Variants in ARPP19 observed in about 807,000 individuals in gnomAD.
The protein encoded by ARPP19 is cAMP-regulated phosphoprotein 19.
Under a neutral mutation model 12.0 loss-of-function variants are expected in ARPP19, and 8 were observed. The ratio of observed to expected loss-of-function variants is 0.67; its 90% CI spans 0.39 to 1.21. ARPP19 has a LOEUF of 1.21. Ranked by LOEUF, ARPP19 falls within the 50% of genes most tolerant of loss-of-function variation. The pLI, the probability that ARPP19 is intolerant of heterozygous loss-of-function variation, is 0.01. For missense variants in ARPP19, 102 were observed against 136.3 expected (o/e 0.75, Z 1.25); for synonymous variants, 47 against 50.4 (o/e 0.93, Z 0.29).
intron 1 of ARPP19, chr15:52,568,593 AAGTGACTG>A: frequency 2.3e-6 from 1 of 442,326 alleles, no homozygotes; most frequent in Non-Finnish European, 3.9e-6. Flanking sequence ...GCGTAAATAT[AAGTGACTG>A]AGGAACACCG....
Position 52,568,920 on chromosome 15 carries a change from G to A in ARPP19, c.-28C>T. 6.7e-7 allele frequency: 1 copy of A among 1,486,618 alleles called. No individual in the cohort carries two copies. The highest frequency in any genetic ancestry group is 1.2e-5 in the South Asian group (1 of 85,134). 92.1% of individuals were successfully genotyped at this position (1,486,618 alleles called of 1,614,324 possible). On this transcript the variant is annotated 5_prime_UTR_variant, in exon 1 of 3. Transcript: ENST00000249822. The stretch of plus-strand genomic sequence containing the variant: ...TGCTCCCTCTGCAGACGAGACGCCG[G>A]GAAAAGATGCAATTAGCGGGTGGCC...
At chr15:52,566,997 A>G (rs2078089285) in intron 1 of ARPP19, among the ~76,000 whole-genome samples, 1 of 152,198 alleles carries the variant, frequency 6.6e-6, no homozygotes, top group South Asian at 2.1e-4. Context: ...CTTTGGCTTT[A>G]AGTGGAAGGT....
At chr15:52,557,361 G>A (rs932140088) in intron 1 of ARPP19, 139 bp from the exon 2 acceptor site, 36 of 683,824 alleles carry the variant, frequency 5.3e-5, no homozygotes, top group Non-Finnish European at 7.9e-5. Flanking sequence ...AAACCCAGAA[G>A]CCTTTAAAAC....
At chr15:52,561,598 C>T (rs2078032886) in intron 1 of ARPP19, among the ~76,000 whole-genome samples, 1 of 151,376 alleles carries the variant, frequency 6.6e-6, no homozygotes, top group Non-Finnish European at 1.5e-5. Flanking sequence ...TCAAGGGGAA[C>T]CAATTAAATA....
intron 1 of ARPP19, among the ~76,000 whole-genome samples, chr15:52,561,918 T>C (rs2078036384): frequency 6.7e-6 from 1 of 149,136 alleles, no homozygotes; most frequent in Non-Finnish European, 1.5e-5. Context: ...AAAACAGAGC[T>C]AGTGCAGTGC....
intron 1 of ARPP19, among the ~76,000 whole-genome samples, chr15:52,565,904 G>A (rs2078076850): frequency 6.6e-6 from 1 of 152,116 alleles, no homozygotes; most frequent in African/African-American, 2.4e-5. Context: ...GCCCAGGCTA[G>A]AGTGCAGTGG....
At chr15:52,564,243 C>T in intron 1 of ARPP19, 1 of 1,533,732 alleles carries the variant, frequency 6.5e-7, no homozygotes, top group Non-Finnish European at 8.7e-7. Flanking sequence ...ATGTTGTGTT[C>T]ACTCTGAATA....
chr15:52,560,942 G>T (rs144036808), intron 1 of ARPP19, among the ~76,000 whole-genome samples: 1 of 152,312 alleles, frequency 6.6e-6, no homozygotes, highest in East Asian at 1.9e-4. Flanking sequence ...TCCTTGCAGG[G>T]TCAAAGGCTT....
At chr15:52,568,576 G>C (rs144988556) in intron 1 of ARPP19, 1 of 422,370 alleles carries the variant, frequency 2.4e-6, no homozygotes. Context: ...CTGCGTCCTG[G>C]GCTCTCGCGT....
Position 52,564,931 on chromosome 15 carries a change from C to T in ARPP19, c.45+3917G>A, listed in dbSNP as rs530579627. Reference sequence around the variant, plus strand: ...AAAGTTCTGAGGAAAATCCATTCAACCATTTTGTAAATAATGTCAAGCACA... The same window carrying T: ...AAAGTTCTGAGGAAAATCCATTCAATCATTTTGTAAATAATGTCAAGCACA... On this transcript the variant is annotated intron_variant, in intron 1 of 2. Transcript: ENST00000249822. Among the ~76,000 whole-genome samples, 165 of 152,142 alleles carry T rather than the reference C, an allele frequency of 1.1e-3. No homozygotes were observed. The Middle Eastern group carries it at 0.02, about 19-fold the overall frequency.
At chr15:52,564,269 G>T (rs1227900857) in intron 1 of ARPP19, 4 of 1,524,136 alleles carry the variant, frequency 2.6e-6, no homozygotes, top group Middle Eastern at 1.7e-4. Flanking sequence ...AGAAAACATG[G>T]ATGAGGCGGT....
In ARPP19 at chr15:52,549,804, G is replaced by T. The variant is rs954763482; in HGVS notation, c.*2130C>A. The T allele has an allele frequency of 6.6e-6, 1 of 152,214 alleles. No individual in the cohort carries two copies. Among genetic ancestry groups the T allele is most frequent in the Admixed American group, 6.6e-5 (1 of 15,240 alleles). 9.4% of individuals were successfully genotyped at this position (152,214 alleles called of 1,614,324 possible). A position where few individuals can be genotyped will look rare whatever the true frequency, so the allele number is the denominator to read the frequency against. On this transcript the variant is annotated 3_prime_UTR_variant, in exon 3 of 3. Transcript: ENST00000249822. ...GACTAGATATAGAAATTCTACTCTG[G>T]GTTATTTTAAACTTCTTAAATTGAT...
intron 1 of ARPP19, chr15:52,564,229 G>A (rs2078060798): frequency 2.0e-6 from 3 of 1,534,760 alleles, no homozygotes; most frequent in Non-Finnish European, 1.7e-6. Context: ...GAGACCAAGG[G>A]AGCATGTTGT....
chr15:52,549,535 G>A lies in ARPP19; in HGVS notation c.*2399C>T, dbSNP rs756785186. The stretch of plus-strand genomic sequence containing the variant: ...TGAGGAAATTTACTTTTAATAAAAA[G>A]ACAATCAGCAATATTTTATTTTGGG... On this transcript the variant is annotated 3_prime_UTR_variant, in exon 3 of 3. Transcript: ENST00000249822. The A allele has an allele frequency of 7.9e-5, 12 of 152,560 alleles. No individual in the cohort carries two copies. Among genetic ancestry groups the A allele is most frequent in the Non-Finnish European group, 1.2e-4 (8 of 68,018 alleles). 9.5% of individuals were successfully genotyped at this position (152,560 alleles called of 1,614,324 possible).
rs1049033088 is a variant in ARPP19, at chr15:52,569,002, G to T, written c.-110C>A. The T allele has an allele frequency of 1.3e-6, 1 of 779,556 alleles. No individual in the cohort carries two copies. Among genetic ancestry groups the T allele is most frequent in the Non-Finnish European group, 2.0e-6 (1 of 492,974 alleles). 48.3% of individuals were successfully genotyped at this position (779,556 alleles called of 1,614,324 possible). On this transcript the variant is annotated 5_prime_UTR_variant, in exon 1 of 3. Transcript: ENST00000249822. ...TCCCAGGGCCCGCCGGGCCGCCTCC[G>T]CCCGCGAAAATGGCCGCCGCCTTAT...
At position 52,547,571 on chromosome 15, in the gene ARPP19, G is replaced by A. The variant is rs1213397841; in HGVS notation, c.*4363C>T. On this transcript the variant is annotated 3_prime_UTR_variant, in exon 3 of 3. Transcript: ENST00000249822. ...AGCAGTGATCTGCAGAATACCTAGA[G>A]GCCTACCTAATTAGAAGGTTGAAAC... 2 of 152,284 alleles carry A rather than the reference G, an allele frequency of 1.3e-5. No individual in the cohort carries two copies. The highest frequency in any genetic ancestry group is 2.1e-4 in the South Asian group (1 of 4,830). The allele number at this position is 152,284 out of a possible 1,614,324, so 9.4% of individuals were successfully genotyped here.
intron 2 of ARPP19, among the ~76,000 whole-genome samples, chr15:52,553,963 G>A (rs949516540): frequency 3.3e-5 from 5 of 152,206 alleles, no homozygotes; most frequent in Admixed American, 6.5e-5. Flanking sequence ...CCCTGGAACA[G>A]GCCCATCTAA....
In ARPP19 at chr15:52,550,462, G is replaced by A. The variant is rs1235647451; in HGVS notation, c.*1472C>T. Reference sequence around the variant, plus strand: ...GGTTCTTGAGCCAGTATTCCGAACCGTTTCATTATAAAGTTCCTTTTATTT... The same window carrying A: ...GGTTCTTGAGCCAGTATTCCGAACCATTTCATTATAAAGTTCCTTTTATTT... On this transcript the variant is annotated 3_prime_UTR_variant, in exon 3 of 3. Transcript: ENST00000249822. The A allele has an allele frequency of 2.6e-5, 4 of 152,056 alleles. No homozygotes were observed. Among genetic ancestry groups the A allele is most frequent in the Non-Finnish European group, 2.9e-5 (2 of 68,012 alleles). 9.4% of individuals were successfully genotyped at this position (152,056 alleles called of 1,614,324 possible).
chr15:52,566,008 C>T (rs2078078325), intron 1 of ARPP19, among the ~76,000 whole-genome samples: 1 of 152,116 alleles, frequency 6.6e-6, no homozygotes, highest in Non-Finnish European at 1.5e-5. Flanking sequence ...GTGCGTGCCA[C>T]CACACCCGGA....
Sources: gnomAD v4.1 joint callset for allele counts (sites outside exome capture counted in the v4.1 genomes callset) on GRCh38, gnomAD v4.1.1 for gene constraint, MANE v1.5 for transcripts, NCBI Gene and HGNC (gene_info 2026-07-23, HGNC 2026-07-21) for gene names.